Variants in CTNNBL1 observed in about 807,000 individuals in gnomAD.
CTNNBL1 encodes the protein catenin beta like 1.
A neutral mutation model predicts 72.7 loss-of-function variants in CTNNBL1; 31 were observed. The observed-to-expected ratio is 0.43, with a 90% CI of 0.32 to 0.58. The LOEUF (loss-of-function observed/expected upper bound fraction) is 0.58. CTNNBL1 is among the 20% of genes least tolerant of loss of function. CTNNBL1 has a pLI of 0.08. For synonymous variants in CTNNBL1, 240 were observed against 267.3 expected, an observed-to-expected ratio of 0.90 and a Z score of 1.00; for missense variants, 534 against 725.1, an observed-to-expected ratio of 0.74 and a Z score of 3.03.
chr20:37,714,065 G>A (rs559129863), intron 1 of CTNNBL1, among the ~76,000 whole-genome samples: 72 of 138,850 alleles, frequency 5.2e-4, no homozygotes, highest in African/African-American at 1.7e-3. Context: ...AATGGATGAA[G>A]TACTCTAAAA....
At chr20:37,707,499 G>T (rs948303766) in intron 1 of CTNNBL1, among the ~76,000 whole-genome samples, 7 of 152,302 alleles carry the variant, frequency 4.6e-5, no homozygotes, top group African/African-American at 1.7e-4. Flanking sequence ...AACTTTGTGT[G>T]CAGCTTCCTC....
At chr20:37,823,658 A>G (rs1235188529) in intron 11 of CTNNBL1, among the ~76,000 whole-genome samples, 3 of 152,204 alleles carry the variant, frequency 2.0e-5, no homozygotes, top group African/African-American at 4.8e-5. Flanking sequence ...TCCCCCACCA[A>G]CTGAATTTCT....
At chr20:37,698,552 A>G (rs2072812637) in intron 1 of CTNNBL1, among the ~76,000 whole-genome samples, 1 of 152,130 alleles carries the variant, frequency 6.6e-6, no homozygotes, top group Non-Finnish European at 1.5e-5. Flanking sequence ...TGGCTTCCTT[A>G]CACCACCTGG....
chr20:37,809,745 G>T (rs76846085), intron 11 of CTNNBL1, among the ~76,000 whole-genome samples: 2,288 of 152,262 alleles, frequency 0.015, 31 homozygotes, highest in Non-Finnish European at 0.023. Context: ...AATTATAGAA[G>T]TTATTAGGGA....
At chr20:37,777,514 C>T in intron 8 of CTNNBL1, 97 bp downstream of exon 8, 1 of 1,403,958 alleles carries the variant, frequency 7.1e-7, no homozygotes, top group East Asian at 2.3e-5. Flanking sequence ...CATCCCCTTG[C>T]TCTCCCTCTC....
intron 15 of CTNNBL1, among the ~76,000 whole-genome samples, chr20:37,860,804 C>T (rs1422200807): frequency 6.6e-6 from 1 of 152,278 alleles, no homozygotes; most frequent in Non-Finnish European, 1.5e-5. Flanking sequence ...AGAGAGGCCA[C>T]ATTCATATAA....
At chr20:37,807,023 G>T (rs1475142660) in intron 11 of CTNNBL1, among the ~76,000 whole-genome samples, 1 of 152,102 alleles carries the variant, frequency 6.6e-6, no homozygotes, top group Non-Finnish European at 1.5e-5. Flanking sequence ...ACACATCCTG[G>T]TTTGCCTCTT....
At position 37,764,895 on chromosome 20, in the gene CTNNBL1, C is replaced by G. The variant is rs117024130; in HGVS notation, c.565-302C>G. 1.9e-3 allele frequency among the ~76,000 whole-genome samples: 292 copies of G among 152,260 alleles called. 8 individuals are homozygous for G. The East Asian group carries it at 0.054, about 28-fold the overall frequency. On this transcript the variant is annotated intron_variant, in intron 5 of 15. Coordinates refer to ENST00000361383, the MANE Select transcript of CTNNBL1 (RefSeq NM_030877.5). ...AGCACAGGGCTTGGTTTCAGATGGT[C>G]TGTGTTCAAGTGCTAACACTGTCAC...
At chr20:37,774,691 C>T (rs1257099033) in intron 7 of CTNNBL1, among the ~76,000 whole-genome samples, 1 of 152,176 alleles carries the variant, frequency 6.6e-6, no homozygotes, top group Non-Finnish European at 1.5e-5. Flanking sequence ...GTTATGTATA[C>T]ACCAGTTCCC....
chr20:37,857,704 T>C (rs1038487815), intron 13 of CTNNBL1, among the ~76,000 whole-genome samples: 1 of 152,198 alleles, frequency 6.6e-6, no homozygotes, highest in African/African-American at 2.4e-5. Context: ...AAGCAGGATC[T>C]CAAGGGCTTC....
intron 10 of CTNNBL1, among the ~76,000 whole-genome samples, chr20:37,792,582 T>G (rs531449757): frequency 6.6e-6 from 1 of 152,340 alleles, no homozygotes; most frequent in Non-Finnish European, 1.5e-5. Flanking sequence ...AACATGATCT[T>G]CAAAGGAAAT....
chr20:37,870,865 C>T (rs2072578081), intron 15 of CTNNBL1, among the ~76,000 whole-genome samples: 1 of 152,150 alleles, frequency 6.6e-6, no homozygotes, highest in African/African-American at 2.4e-5. Context: ...AAAGAAGTGC[C>T]TCCCCTTAGA....
rs530347764 is a variant in CTNNBL1 at position 37,715,121 on chromosome 20, C to A, written c.31-17758C>A. Among the ~76,000 whole-genome samples, 10 of 152,276 alleles carry A rather than the reference C, an allele frequency of 6.6e-5. No homozygotes were observed. In the South Asian group the frequency reaches 2.1e-3, roughly 32 times the overall value. ...TAACAGTTCACTTGAGTTAAAGGAA[C>A]CTCAGGAAACAGATCTGTAGTAATC... On this transcript the variant is annotated intron_variant, in intron 1 of 15. Transcript: ENST00000361383.
At chr20:37,786,701 C>A (rs1425580203) in intron 10 of CTNNBL1, among the ~76,000 whole-genome samples, 2 of 151,864 alleles carry the variant, frequency 1.3e-5, no homozygotes, top group Admixed American at 6.6e-5. Flanking sequence ...TATTCTGTTG[C>A]CCTTTTTCCA....
chr20:37,835,177 G>A (rs1397063007), intron 11 of CTNNBL1, among the ~76,000 whole-genome samples: 1 of 152,154 alleles, frequency 6.6e-6, no homozygotes, highest in Non-Finnish European at 1.5e-5. Flanking sequence ...TGGGCTGTGG[G>A]ATACCCAAAT....
chr20:37,777,555 G>T, intron 8 of CTNNBL1, 99 bp from the exon 9 acceptor site: 1 of 1,398,202 alleles, frequency 7.2e-7, no homozygotes, highest in Non-Finnish European at 1.0e-6. Context: ...ACTCTGTCAA[G>T]CTGTATTGAT....
chr20:37,749,351 C>T (rs1211559126), intron 4 of CTNNBL1, among the ~76,000 whole-genome samples: 2 of 152,218 alleles, frequency 1.3e-5, no homozygotes, highest in Non-Finnish European at 2.9e-5. Context: ...TTTGCTGATT[C>T]ACCAGCCTGG....
intron 3 of CTNNBL1, among the ~76,000 whole-genome samples, chr20:37,742,109 A>T (rs1398049361): frequency 6.6e-6 from 1 of 152,240 alleles, no homozygotes; most frequent in Admixed American, 6.5e-5. Flanking sequence ...ATGAGAAAGC[A>T]TTTCAACAAA....
intron 5 of CTNNBL1, among the ~76,000 whole-genome samples, chr20:37,758,483 A>G (rs906346128): frequency 2.6e-5 from 4 of 152,228 alleles, no homozygotes; most frequent in Non-Finnish European, 5.9e-5. Flanking sequence ...GTCCTGTGAC[A>G]GCTGATAAAA....
Sources: allele counts gnomAD v4.1 joint callset (sites outside exome capture counted in the v4.1 genomes callset), GRCh38; gene constraint gnomAD v4.1.1; transcripts MANE v1.5; gene names NCBI Gene and HGNC (gene_info 2026-07-23, HGNC 2026-07-21).